Variants in PLXDC1 observed in about 807,000 individuals in gnomAD.
PLXDC1 encodes the protein plexin domain containing 1.
In PLXDC1, 39 loss-of-function variants were observed where a neutral mutation model predicts 61.3. That is an observed-to-expected ratio of 0.64 (90% CI 0.49 to 0.83). The LOEUF is 0.83. Among genes scored for constraint, PLXDC1 ranks in the 40% least tolerant of loss-of-function variants. PLXDC1 has a pLI of 0.00. For synonymous variants in PLXDC1, 212 were observed against 254.5 expected (o/e 0.83, Z 1.59); for missense variants, 596 against 666.5 (o/e 0.89, Z 1.17).
chr17:39,138,659 A>G (rs918974748), intron 2 of PLXDC1, among the ~76,000 whole-genome samples: 6 of 152,148 alleles, frequency 3.9e-5, no homozygotes, highest in African/African-American at 1.2e-4. Context: ...GGAAGGGGGC[A>G]GGCCCCAGGG....
rs1230453693 is a variant in PLXDC1, at chr17:39,151,324, G to T, written c.76+38C>A. On this transcript the variant is annotated intron_variant, in intron 1 of 13. Coordinates refer to ENST00000315392, the MANE Select transcript of PLXDC1 (RefSeq NM_020405.5). The surrounding 1 kb of genome is among the most constrained non-coding windows in gnomAD (Gnocchi z 5.2). The stretch of plus-strand genomic sequence containing the variant: ...CACACCTGACTGCCCGTCCCTCCCC[G>T]CCCCCGGCCCACCCGGGCCGGCTCC... 13 of 1,255,554 alleles carry T rather than the reference G, an allele frequency of 1.0e-5. No individual in the cohort carries two copies. The African/African-American group carries it at 1.7e-4, about 16-fold the overall frequency. The allele number at this position is 1,255,554 out of a possible 1,614,324, so 77.8% of individuals were successfully genotyped here.
chr17:39,078,519 A>G (rs1909430562), intron 10 of PLXDC1, among the ~76,000 whole-genome samples: 1 of 152,194 alleles, frequency 6.6e-6, no homozygotes, highest in Non-Finnish European at 1.5e-5. Context: ...CTTGCTTTGC[A>G]AGAAGATATA....
intron 2 of PLXDC1, among the ~76,000 whole-genome samples, chr17:39,128,097 G>GTATATATATATACATA (rs1911380692): frequency 1.5e-5 from 1 of 67,478 alleles, no homozygotes. Context: ...CTCTCTATGT[G>GTATATATATATACATA]TATATATATA....
Position 39,065,554 on chromosome 17 carries a change from A to G in PLXDC1, c.*2286T>C, listed in dbSNP as rs928233779. On this transcript the variant is annotated 3_prime_UTR_variant, in exon 14 of 14. Transcript: ENST00000315392. ...GTAGCTGGGACTACAGGTGCACCCC[A>G]CCACACCTGGCATTTTTGTTGTTGT... 5.9e-5 allele frequency: 9 copies of G among 152,052 alleles called. No individual in the cohort carries two copies. The highest frequency in any genetic ancestry group is 4.6e-4 in the Admixed American group (7 of 15,256). The allele number at this position is 152,052 out of a possible 1,614,324, so 9.4% of individuals were successfully genotyped here. A position where few individuals can be genotyped will look rare whatever the true frequency, so the allele number is the denominator to read the frequency against.
chr17:39,147,782 GTCAC>G (rs1342090351), intron 1 of PLXDC1, among the ~76,000 whole-genome samples: 1 of 152,186 alleles, frequency 6.6e-6, no homozygotes, highest in Non-Finnish European at 1.5e-5. Flanking sequence ...TACTCACTCA[GTCAC>G]TCACTCATTC....
At chr17:39,134,464 G>A (rs1176883818) in intron 2 of PLXDC1, among the ~76,000 whole-genome samples, 1 of 148,460 alleles carries the variant, frequency 6.7e-6, no homozygotes, top group African/African-American at 2.5e-5. Flanking sequence ...CGTCTCTACT[G>A]AAATACAAAA....
chr17:39,079,403 T>C (rs1398552052), intron 9 of PLXDC1: 1 of 576,396 alleles, frequency 1.7e-6, no homozygotes, highest in Non-Finnish European at 3.3e-6. Context: ...TGTGAGTAGG[T>C]GTAGGGGCTA....
intron 7 of PLXDC1, among the ~76,000 whole-genome samples, chr17:39,102,736 A>ACACACACACACACACG (rs1161304457): frequency 1.6e-5 from 2 of 125,426 alleles, no homozygotes; most frequent in African/African-American, 7.1e-5. Flanking sequence ...ACACACACAC[A>ACACACACACACACACG]CACACTCACT....
chr17:39,069,103 T>C (rs554974461), intron 13 of PLXDC1, among the ~76,000 whole-genome samples: 1 of 152,242 alleles, frequency 6.6e-6, no homozygotes, highest in African/African-American at 2.4e-5. Flanking sequence ...GGCTTGTCTA[T>C]TTTATTTTTA....
At chr17:39,126,271 A>C (rs976375297) in intron 2 of PLXDC1, among the ~76,000 whole-genome samples, 4 of 152,142 alleles carry the variant, frequency 2.6e-5, no homozygotes, top group Non-Finnish European at 5.9e-5. Flanking sequence ...ACAAAAAAAA[A>C]CCAACATACA....
At chr17:39,145,532 C>T (rs181300588) in intron 1 of PLXDC1, among the ~76,000 whole-genome samples, 51 of 152,294 alleles carry the variant, frequency 3.3e-4, no homozygotes, top group African/African-American at 1.2e-3. Flanking sequence ...CAGGACAAGC[C>T]ACCTAGAGGG....
chr17:39,128,087 C>G (rs888929478), intron 2 of PLXDC1, among the ~76,000 whole-genome samples: 3 of 67,252 alleles, frequency 4.5e-5, no homozygotes, highest in South Asian at 1.2e-3. Flanking sequence ...CTCTCTCTCT[C>G]TCTCTATGTG....
Position 39,090,893 on chromosome 17 carries a change from C to G in PLXDC1, c.812-3191G>C, listed in dbSNP as rs867464683. On this transcript the variant is annotated intron_variant, in intron 7 of 13. Coordinates refer to ENST00000315392, the MANE Select transcript of PLXDC1 (RefSeq NM_020405.5). ...ACTCTGTCTTTCTCCCTCTGTCTCTCTCTCTCTAGGACGGCATATTTCTTG... is the reference window on the plus strand; with the variant it reads ...ACTCTGTCTTTCTCCCTCTGTCTCTGTCTCTCTAGGACGGCATATTTCTTG... Among the ~76,000 whole-genome samples the G allele has an allele frequency of 3.4e-3, 521 of 152,308 alleles. 4 individuals carry two copies. The highest frequency in any genetic ancestry group is 0.012 in the African/African-American group (494 of 41,570).
chr17:39,101,249 G>T (rs952222949), intron 7 of PLXDC1, among the ~76,000 whole-genome samples: 1 of 152,244 alleles, frequency 6.6e-6, no homozygotes, highest in Non-Finnish European at 1.5e-5. Context: ...ACGCGCAGAA[G>T]AGTTCAAGGC....
intron 7 of PLXDC1, among the ~76,000 whole-genome samples, chr17:39,104,037 T>G (rs1418685518): frequency 6.6e-6 from 1 of 152,192 alleles, no homozygotes; most frequent in Non-Finnish European, 1.5e-5. Flanking sequence ...ATGAGGACAC[T>G]GCTTGTTCCT....
At chr17:39,139,138 A>G (rs72823328) in intron 2 of PLXDC1, among the ~76,000 whole-genome samples, 7,259 of 152,284 alleles carry the variant, frequency 0.048, 246 homozygotes, top group Middle Eastern at 0.12. Flanking sequence ...CCAGCACCCC[A>G]GAACTGCCCC....
intron 6 of PLXDC1, among the ~76,000 whole-genome samples, chr17:39,107,047 C>T (rs1235977256): frequency 1.3e-5 from 2 of 152,194 alleles, no homozygotes; most frequent in African/African-American, 4.8e-5. Context: ...CTAGAACATA[C>T]TTCACTCTCC....
At chr17:39,119,927 A>C (rs551379532) in intron 2 of PLXDC1, among the ~76,000 whole-genome samples, 6 of 152,164 alleles carry the variant, frequency 3.9e-5, no homozygotes, top group Admixed American at 1.3e-4. Flanking sequence ...ACCCCAGAAA[A>C]GCTGAGTTCC....
At chr17:39,089,620 A>T (rs144222697) in intron 7 of PLXDC1, among the ~76,000 whole-genome samples, 282 of 152,258 alleles carry the variant, frequency 1.9e-3, no homozygotes, top group African/African-American at 6.4e-3. Context: ...GTGGGGACAT[A>T]CGTTTCTCGC....
Sources: gnomAD v4.1 joint callset for allele counts (sites outside exome capture counted in the v4.1 genomes callset) on GRCh38, gnomAD v4.1.1 for gene constraint, Gnocchi (gnomAD v3.1) non-coding constraint, MANE v1.5 for transcripts, NCBI Gene and HGNC (gene_info 2026-07-23, HGNC 2026-07-21) for gene names.